KHDRBS2: variants seen among roughly 807,000 people sequenced by gnomAD.
The protein encoded by KHDRBS2 is KH RNA binding domain containing, signal transduction associated 2.
In KHDRBS2, 26 loss-of-function variants were observed where a neutral mutation model predicts 44.3. That is an observed-to-expected ratio of 0.59 (90% CI 0.43 to 0.81). The LOEUF (loss-of-function observed/expected upper bound fraction) is 0.81, where lower values mean the gene tolerates loss of function less well. KHDRBS2 is among the 40% of genes least tolerant of loss of function. KHDRBS2 has a pLI of 0.00. For missense variants in KHDRBS2, 476 were observed against 433.1 expected, an observed-to-expected ratio of 1.10 and a Z score of -0.88; for synonymous variants, 194 against 151.1, an observed-to-expected ratio of 1.28 and a Z score of -2.08.
intron 7 of KHDRBS2, among the ~76,000 whole-genome samples, chr6:61,715,260 A>G (rs949183966): frequency 6.6e-6 from 1 of 151,920 alleles, no homozygotes; most frequent in Non-Finnish European, 1.5e-5. Context: ...GAGCTCAGAT[A>G]ACTACATTGG....
At chr6:62,100,349 T>C (rs1421510001) in intron 2 of KHDRBS2, among the ~76,000 whole-genome samples, 1 of 152,224 alleles carries the variant, frequency 6.6e-6, no homozygotes, top group Non-Finnish European at 1.5e-5. Context: ...TCTGTGAACA[T>C]TGTTGAAATG....
intron 1 of KHDRBS2, among the ~76,000 whole-genome samples, chr6:62,211,679 A>T (rs147832539): frequency 1.3e-5 from 2 of 152,270 alleles, no homozygotes; most frequent in Admixed American, 6.5e-5. Context: ...AGATTGTGGA[A>T]GAAAAGGAAC....
chr6:61,664,937 T>C, the KHDRBS2 span, among the ~76,000 whole-genome samples: 3 of 151,632 alleles, frequency 2.0e-5, no homozygotes, highest in Non-Finnish European at 4.4e-5. Context: ...ATTAACTTAC[T>C]TCTAATTTTT....
At chr6:62,153,270 A>T (rs555484777) in intron 2 of KHDRBS2, among the ~76,000 whole-genome samples, 24 of 152,244 alleles carry the variant, frequency 1.6e-4, no homozygotes, top group African/African-American at 5.8e-4. Context: ...TGCTTGTACA[A>T]CTCTAATGCT....
At chr6:61,706,823 C>T (rs1214634451) in intron 7 of KHDRBS2, among the ~76,000 whole-genome samples, 1 of 151,522 alleles carries the variant, frequency 6.6e-6, no homozygotes, top group African/African-American at 2.4e-5. Context: ...TATTTATAAC[C>T]TATTATGTGC....
At chr6:61,818,911 G>A (rs1789431451) in intron 6 of KHDRBS2, among the ~76,000 whole-genome samples, 1 of 151,744 alleles carries the variant, frequency 6.6e-6, no homozygotes. Context: ...CTGATTATTA[G>A]GTCAAAGAAA....
At chr6:61,636,237 TCTTTA>T in the KHDRBS2 span, among the ~76,000 whole-genome samples, 13 of 152,226 alleles carry the variant, frequency 8.5e-5, no homozygotes, top group African/African-American at 2.6e-4. Flanking sequence ...AGAAACATCC[TCTTTA>T]CTTTACTTTC....
At chr6:61,704,815 A>G (rs374165579) in intron 7 of KHDRBS2, among the ~76,000 whole-genome samples, 21 of 152,020 alleles carry the variant, frequency 1.4e-4, no homozygotes, top group East Asian at 7.8e-4. Context: ...TCATTGTAGT[A>G]TGAATAATTT....
rs115093529 is a variant in KHDRBS2 at position 62,251,279 on chromosome 6, A to T, written c.91+34579T>A. 2.0e-3 allele frequency among the ~76,000 whole-genome samples: 305 copies of T among 152,052 alleles called. 2 individuals are homozygous for T. Among genetic ancestry groups the T allele is most frequent in the African/African-American group, 6.6e-3 (275 of 41,534 alleles). ...TTAAAGTCATGATGAACACTGCCAT[A>T]AAAATATTGAATATATTGAATAACT... On this transcript the variant is annotated intron_variant, in intron 1 of 8. Coordinates refer to ENST00000281156, the MANE Select transcript of KHDRBS2 (RefSeq NM_152688.4).
At chr6:61,805,664 T>A (rs1787035838) in intron 6 of KHDRBS2, among the ~76,000 whole-genome samples, 1 of 152,128 alleles carries the variant, frequency 6.6e-6, no homozygotes, top group Admixed American at 6.6e-5. Context: ...AGTAGGCACC[T>A]CTTCACAGGG....
At chr6:61,694,559 T>A (rs1455174872) in intron 8 of KHDRBS2, among the ~76,000 whole-genome samples, 1 of 152,202 alleles carries the variant, frequency 6.6e-6, no homozygotes, top group Non-Finnish European at 1.5e-5. Context: ...TGATTAAGAA[T>A]GTGCTTGGAA....
the KHDRBS2 span, among the ~76,000 whole-genome samples, chr6:61,590,269 G>T: frequency 1.3e-5 from 2 of 152,202 alleles, no homozygotes; most frequent in South Asian, 2.1e-4. Flanking sequence ...TTGGTATTGA[G>T]TTTGCACTCC....
At chr6:61,906,074 C>T (rs1481606577) in intron 4 of KHDRBS2, among the ~76,000 whole-genome samples, 1 of 151,962 alleles carries the variant, frequency 6.6e-6, no homozygotes, top group Non-Finnish European at 1.5e-5. Context: ...TCTTGAACTC[C>T]TGACCTGGTG....
chr6:61,698,643 A>G (rs1768194661), intron 7 of KHDRBS2, among the ~76,000 whole-genome samples: 1 of 152,086 alleles, frequency 6.6e-6, no homozygotes, highest in African/African-American at 2.4e-5. Flanking sequence ...CTTTAGGAGA[A>G]AAATAAAAAA....
intron 3 of KHDRBS2, among the ~76,000 whole-genome samples, chr6:62,027,714 C>T (rs781558025): frequency 2.0e-5 from 3 of 151,944 alleles, no homozygotes; most frequent in Non-Finnish European, 4.4e-5. Context: ...CCATAATAAC[C>T]CAAAAGGACA....
At chr6:61,955,269 C>T (rs1470872106) in intron 4 of KHDRBS2, among the ~76,000 whole-genome samples, 3 of 124,804 alleles carry the variant, frequency 2.4e-5, no homozygotes, top group Admixed American at 8.0e-5. Context: ...TATACATATA[C>T]GTGTAAATAT....
chr6:61,850,643 A>T (rs1795280943), intron 6 of KHDRBS2, among the ~76,000 whole-genome samples: 1 of 152,204 alleles, frequency 6.6e-6, no homozygotes, highest in Non-Finnish European at 1.5e-5. Flanking sequence ...AAACACACAG[A>T]GAATTTTTTC....
chr6:61,896,857 A>C (rs974443873), intron 5 of KHDRBS2, among the ~76,000 whole-genome samples: 2 of 152,168 alleles, frequency 1.3e-5, no homozygotes, highest in African/African-American at 4.8e-5. Flanking sequence ...TCTCCATGCC[A>C]CAGCACCTTT....
At chr6:61,634,639 A>G in the KHDRBS2 span, among the ~76,000 whole-genome samples, 1 of 152,080 alleles carries the variant, frequency 6.6e-6, no homozygotes, top group African/African-American at 2.4e-5. Flanking sequence ...ATTTTAGGAA[A>G]GCATCTACAA....
Sources: gnomAD v4.1 joint callset for allele counts (sites outside exome capture counted in the v4.1 genomes callset) on GRCh38, gnomAD v4.1.1 for gene constraint, MANE v1.5 for transcripts, NCBI Gene and HGNC (gene_info 2026-07-23, HGNC 2026-07-21) for gene names.